Variants in ZFPM2 observed in about 807,000 individuals in gnomAD.
ZFPM2 encodes the protein zinc finger protein, FOG family member 2.
Under a neutral mutation model 98.6 loss-of-function variants are expected in ZFPM2, and 20 were observed. That is an observed-to-expected ratio of 0.20 (90% CI 0.14 to 0.29). ZFPM2 has a LOEUF of 0.29. Among genes scored for constraint, ZFPM2 ranks in the 10% least tolerant of loss-of-function variants. The probability of loss-of-function intolerance (pLI) is 1.00; values close to 1 mark genes in which losing one functional copy is unlikely to be tolerated. For missense variants in ZFPM2, 1,310 were observed against 1,388.6 expected, an observed-to-expected ratio of 0.94 and a Z score of 0.90; for synonymous variants, 518 against 502.7, an observed-to-expected ratio of 1.03 and a Z score of -0.41.
intron 1 of ZFPM2, among the ~76,000 whole-genome samples, chr8:105,380,676 T>TG (rs1810841626): frequency 4.2e-4 from 6 of 14,202 alleles, no homozygotes; most frequent in African/African-American, 2.0e-3. Flanking sequence ...AACATATATA[T>TG]TATATATATA....
chr8:105,721,334 T>A (rs1811657780), intron 5 of ZFPM2, among the ~76,000 whole-genome samples: 1 of 151,958 alleles, frequency 6.6e-6, no homozygotes, highest in Non-Finnish European at 1.5e-5. Context: ...CAGTTATAGA[T>A]AACTGCCCCA....
intron 5 of ZFPM2, among the ~76,000 whole-genome samples, chr8:105,769,885 A>T (rs967211284): frequency 9.2e-5 from 14 of 152,040 alleles, no homozygotes; most frequent in African/African-American, 3.4e-4. Flanking sequence ...ACGAAGGGAA[A>T]AAAATACCAT....
intron 1 of ZFPM2, among the ~76,000 whole-genome samples, chr8:105,322,168 CTGT>C (rs1386174770): frequency 6.6e-6 from 1 of 152,100 alleles, no homozygotes; most frequent in Non-Finnish European, 1.5e-5. Flanking sequence ...CAGCTGCTCG[CTGT>C]TGTTGTTTTT....
In ZFPM2 at chr8:105,802,516, T is replaced by C. The variant is rs1164640955; in HGVS notation, c.2434T>C (p.Ser812Pro). 2 of 1,612,112 alleles carry C rather than the reference T, an allele frequency of 1.2e-6. No homozygotes were observed. Among genetic ancestry groups the C allele is most frequent in the South Asian group, 1.1e-5 (1 of 90,716 alleles). The stretch of plus-strand genomic sequence containing the variant: ...GACGATCAACAAGTGTGTTCCAGTT[T>C]CCAAATGTGATACTACTCATTCCAG... ...SLTINKCVPV[S>P]KCDTTHSSVS... Residue 812 changes from serine to proline, a missense_variant, in exon 8 of 8, where the codon TCC (serine) becomes CCC (proline). Ser to Pro is a moderately conservative substitution (Grantham distance 74, BLOSUM62 -1). Transcript: ENST00000407775.
chr8:105,696,214 A>G (rs1054426665), intron 5 of ZFPM2, among the ~76,000 whole-genome samples: 10 of 152,166 alleles, frequency 6.6e-5, no homozygotes, highest in African/African-American at 2.2e-4. Flanking sequence ...GGTGTTCTCA[A>G]TGGGGTCACT....
chr8:105,499,647 C>A (rs1813548482), intron 3 of ZFPM2, among the ~76,000 whole-genome samples: 1 of 150,816 alleles, frequency 6.6e-6, no homozygotes, highest in Admixed American at 6.7e-5. Context: ...CCCACAGATA[C>A]TCTAAACAGC....
At chr8:105,393,524 T>A (rs1260670320) in intron 1 of ZFPM2, among the ~76,000 whole-genome samples, 1 of 152,092 alleles carries the variant, frequency 6.6e-6, no homozygotes, top group Non-Finnish European at 1.5e-5. Flanking sequence ...ACGGATAAAC[T>A]CTTTTCAGAG....
intron 3 of ZFPM2, among the ~76,000 whole-genome samples, chr8:105,508,861 A>AT (rs149479285): frequency 8.8e-5 from 12 of 136,334 alleles, no homozygotes; most frequent in Admixed American, 4.4e-4. Context: ...AAAAAAAAAA[A>AT]TTTTTTTTTT....
At chr8:105,463,767 G>A (rs1162618819) in intron 3 of ZFPM2, among the ~76,000 whole-genome samples, 3 of 151,890 alleles carry the variant, frequency 2.0e-5, no homozygotes, top group Non-Finnish European at 2.9e-5. Flanking sequence ...TTCCCAAAAA[G>A]GAAGATAATC....
chr8:105,636,260 C>T (rs1251476940), intron 5 of ZFPM2, among the ~76,000 whole-genome samples: 1 of 152,064 alleles, frequency 6.6e-6, no homozygotes, highest in Admixed American at 6.6e-5. Flanking sequence ...CTAACTTGAG[C>T]AAACTTATGT....
chr8:105,618,309 A>G (rs1223421456), intron 4 of ZFPM2, among the ~76,000 whole-genome samples: 1 of 152,206 alleles, frequency 6.6e-6, no homozygotes, highest in Non-Finnish European at 1.5e-5. Flanking sequence ...AAGGCAGTTC[A>G]TGGCTAAGGC....
At chr8:105,732,017 G>C (rs1811951726) in intron 5 of ZFPM2, among the ~76,000 whole-genome samples, 1 of 151,708 alleles carries the variant, frequency 6.6e-6, no homozygotes, top group South Asian at 2.1e-4. Flanking sequence ...GGAGCTGAGT[G>C]TTTTTGGTAG....
At chr8:105,387,803 C>A (rs548804678) in intron 1 of ZFPM2, 2 of 153,000 alleles carry the variant, frequency 1.3e-5, no homozygotes, top group East Asian at 3.8e-4. Flanking sequence ...CAGAGGAGGA[C>A]TCGAGAACGA....
intron 1 of ZFPM2, among the ~76,000 whole-genome samples, chr8:105,410,376 G>T (rs1811551615): frequency 6.6e-6 from 1 of 151,804 alleles, no homozygotes; most frequent in Non-Finnish European, 1.5e-5. Flanking sequence ...AAGAAACTTG[G>T]TCGCCAAAGC....
At chr8:105,660,358 C>G (rs1486942842) in intron 5 of ZFPM2, among the ~76,000 whole-genome samples, 2 of 152,162 alleles carry the variant, frequency 1.3e-5, no homozygotes, top group Non-Finnish European at 2.9e-5. Context: ...AGCTTACAGT[C>G]TTGTCATGCA....
At chr8:105,554,584 A>G (rs962202377) in intron 3 of ZFPM2, among the ~76,000 whole-genome samples, 6 of 152,294 alleles carry the variant, frequency 3.9e-5, no homozygotes, top group Admixed American at 3.3e-4. Context: ...GGCCTGATAA[A>G]TATTGTGAGC....
chr8:105,735,485 C>A (rs1243086161), intron 5 of ZFPM2, among the ~76,000 whole-genome samples: 3 of 151,604 alleles, frequency 2.0e-5, no homozygotes, highest in Admixed American at 1.3e-4. Context: ...CTACTGCTTC[C>A]CCAACATGAA....
intron 3 of ZFPM2, among the ~76,000 whole-genome samples, chr8:105,470,634 C>T (rs1812885213): frequency 6.6e-6 from 1 of 151,918 alleles, no homozygotes; most frequent in South Asian, 2.1e-4. Context: ...AAAACTTATC[C>T]AGGAGTGGTG....
intron 5 of ZFPM2, among the ~76,000 whole-genome samples, chr8:105,674,737 A>G (rs114795831): frequency 0.014 from 2,102 of 152,270 alleles, 44 homozygotes; most frequent in African/African-American, 0.047. Flanking sequence ...GTAGTTTGTC[A>G]AGAAGAGGAT....
Sources: allele counts gnomAD v4.1 joint callset (sites outside exome capture counted in the v4.1 genomes callset), GRCh38; gene constraint gnomAD v4.1.1; transcripts MANE v1.5; gene names NCBI Gene and HGNC (gene_info 2026-07-23, HGNC 2026-07-21).